GNAS: variants seen among roughly 807,000 people sequenced by gnomAD.
GNAS encodes the protein GNAS complex locus.
GNAS carries 8 observed loss-of-function variants against 54.5 expected under a neutral mutation model. The ratio of observed to expected loss-of-function variants is 0.15; its 90% confidence interval spans 0.09 to 0.26. The LOEUF (loss-of-function observed/expected upper bound fraction) is 0.26, where lower values mean the gene tolerates loss of function less well. GNAS is among the 10% of genes least tolerant of loss of function. The pLI, the probability that GNAS is intolerant of heterozygous loss-of-function variation, is 1.00. For synonymous variants in GNAS, 204 were observed against 191.4 expected (o/e 1.07, Z -0.54); for missense variants, 170 against 529.8 (o/e 0.32, Z 6.67).
intron 1 of GNAS, chr20:58,850,503 G>A (rs2086116346): frequency 5.0e-6 from 2 of 398,518 alleles, no homozygotes; most frequent in Admixed American, 8.8e-5. Context: ...CAGCCTCCCT[G>A]GGGCTCCAAC....
Position 58,909,273 on chromosome 20 carries a change from G to A in GNAS, c.585+57G>A. On this transcript the variant is annotated intron_variant, in intron 7 of 12. Transcript: ENST00000371085. This position sits in a 1 kb window ranked among gnomAD's most constrained non-coding sequence, Gnocchi z 7.3. Reference sequence around the variant, plus strand: ...TGAGCCCTCTTTCCAAACTACTCCAGACCTTTGCTTTAGATTGGCAATTAT... The same window carrying A: ...TGAGCCCTCTTTCCAAACTACTCCAAACCTTTGCTTTAGATTGGCAATTAT... 6.3e-7 allele frequency: 1 copy of A among 1,586,794 alleles called. No individual in the cohort carries two copies. Among genetic ancestry groups the A allele is most frequent in the Non-Finnish European group, 8.7e-7 (1 of 1,155,182 alleles).
At chr20:58,903,185 C>A (rs1355307439) in intron 3 of GNAS, 2 of 411,146 alleles carry the variant, frequency 4.9e-6, no homozygotes, top group Non-Finnish European at 4.6e-6. Context: ...CACCCCTACC[C>A]AGATGTTGAT....
At chr20:58,902,725 CTTTTTTTTTTTT>C (rs60022134) in intron 3 of GNAS, among the ~76,000 whole-genome samples, 9 of 69,510 alleles carry the variant, frequency 1.3e-4, no homozygotes, top group East Asian at 5.3e-4. Flanking sequence ...GCACATACGA[CTTTTTTTTTTTT>C]TTTTTTTTTT....
chr20:58,890,060 G>A (rs2088994215), upstream of GNAS, among the ~76,000 whole-genome samples: 1 of 151,800 alleles, frequency 6.6e-6, no homozygotes, highest in Admixed American at 6.5e-5. Flanking sequence ...AGAACCCCAA[G>A]AACCCGGCGC....
upstream of GNAS, chr20:58,840,761 T>C (rs868703522): frequency 6.2e-7 from 1 of 1,607,748 alleles, no homozygotes; most frequent in Non-Finnish European, 8.5e-7. This position sits in a 1 kb window ranked among gnomAD's most constrained non-coding sequence, Gnocchi z 6.0. Flanking sequence ...GCGGCGTCGC[T>C]GCAAGCCAAA....
intron 1 of GNAS, among the ~76,000 whole-genome samples, chr20:58,883,873 CA>C (rs1345769786): frequency 1.3e-5 from 2 of 152,282 alleles, no homozygotes; most frequent in Non-Finnish European, 2.9e-5. Context: ...GTTCCCCCCT[CA>C]AAATAAAAGC....
chr20:58,898,116 G>A (rs1392372781), intron 2 of GNAS: 2 of 152,220 alleles, frequency 1.3e-5, no homozygotes, highest in East Asian at 3.9e-4. Context: ...TTTAGTGCCA[G>A]GAACAAAACA....
At chr20:58,840,114 G>A (rs139302910), upstream of GNAS, 5 of 1,610,966 alleles carry the variant, frequency 3.1e-6, no homozygotes, top group African/African-American at 1.3e-5. This position sits in a 1 kb window ranked among gnomAD's most constrained non-coding sequence, Gnocchi z 6.0. Flanking sequence ...AGGATGGATC[G>A]GAGGTCCCGG....
chr20:58,876,291 G>A (rs965353041), intron 1 of GNAS, among the ~76,000 whole-genome samples: 2 of 152,170 alleles, frequency 1.3e-5, no homozygotes, highest in African/African-American at 4.8e-5. Flanking sequence ...AATGTAAGTA[G>A]GTGACAGCTG....
chr20:58,890,655 G>C (rs1193419784), upstream of GNAS: 1 of 152,054 alleles, frequency 6.6e-6, no homozygotes, highest in East Asian at 2.0e-4. Context: ...CAAGCGCAGA[G>C]GCCGCGGGCG....
chr20:58,899,368 T>C, intron 3 of GNAS: 3 of 521,972 alleles, frequency 5.7e-6, no homozygotes, highest in Non-Finnish European at 1.1e-5. Context: ...CACTGGTTGG[T>C]CTGATTTTAA....
chr20:58,890,828 AT>A, upstream of GNAS: 1 of 151,504 alleles, frequency 6.6e-6, no homozygotes. Context: ...GTGTGGACAC[AT>A]TTTCCTTTTC....
At chr20:58,845,575 T>A (rs749129103) in intron 1 of GNAS, among the ~76,000 whole-genome samples, 8 of 152,164 alleles carry the variant, frequency 5.3e-5, no homozygotes, top group African/African-American at 1.7e-4. Flanking sequence ...AATTAAGTGA[T>A]GTAGCACCCA....
intron 1 of GNAS, chr20:58,892,066 G>C: frequency 1.1e-6 from 1 of 951,958 alleles, no homozygotes; most frequent in Non-Finnish European, 1.2e-6. Context: ...CAAAAACGGG[G>C]CGGGGGGCCG....
intron 1 of GNAS, chr20:58,883,131 C>T (rs2088354637): frequency 6.6e-6 from 1 of 152,186 alleles, no homozygotes. Flanking sequence ...GATAGCTGAG[C>T]CCTTCTGTCA....
intron 1 of GNAS, chr20:58,854,546 C>G (rs1477177675): frequency 1.3e-6 from 2 of 1,573,954 alleles, no homozygotes; most frequent in Non-Finnish European, 1.7e-6. Context: ...CATTCGCAGC[C>G]GATCCCGACT....
chr20:58,874,101 T>G (rs1342897681), intron 1 of GNAS, among the ~76,000 whole-genome samples: 1 of 152,252 alleles, frequency 6.6e-6, no homozygotes, highest in African/African-American at 2.4e-5. Flanking sequence ...CAAACAGCAG[T>G]GACTGAACCT....
intron 1 of GNAS, among the ~76,000 whole-genome samples, chr20:58,879,708 G>C (rs186508333): frequency 5.9e-5 from 9 of 152,130 alleles, no homozygotes; most frequent in Non-Finnish European, 1.0e-4. Context: ...TGCAGAGGAG[G>C]GGGGAAATGA....
chr20:58,909,615 G>T lies in GNAS; in HGVS notation c.718+36G>T. On this transcript the variant is annotated intron_variant, in intron 9 of 12. Transcript: ENST00000371085. This position sits in a 1 kb window ranked among gnomAD's most constrained non-coding sequence, Gnocchi z 7.3. ...GTGGGCTTGGCTGTTCGTAAAGAACGCTTTGCTTCTGTGTTGTTAGGGATC... is the reference window on the plus strand; with the variant it reads ...GTGGGCTTGGCTGTTCGTAAAGAACTCTTTGCTTCTGTGTTGTTAGGGATC... The T allele has an allele frequency of 6.2e-7, 1 of 1,614,082 alleles. No individual in the cohort carries two copies.
Sources: allele counts gnomAD v4.1 joint callset (sites outside exome capture counted in the v4.1 genomes callset), GRCh38; gene constraint gnomAD v4.1.1; non-coding constraint Gnocchi (gnomAD v3.1); transcripts MANE v1.5; gene names NCBI Gene and HGNC (gene_info 2026-07-23, HGNC 2026-07-21).